The following NAV1 variants were observed in gnomAD, a reference collection of about 807,000 sequenced individuals.
The protein encoded by NAV1 is neuron navigator 1.
A neutral mutation model predicts 175.2 loss-of-function variants in NAV1; 18 were observed. That is an observed-to-expected ratio of 0.10 (90% CI 0.07 to 0.15). The LOEUF is 0.15. NAV1 is among the 10% of genes least tolerant of loss of function. The pLI is 1.00. For missense variants in NAV1, 1,731 were observed against 2,436.6 expected, an observed-to-expected ratio of 0.71 and a Z score of 6.10; for synonymous variants, 897 against 978.7, an observed-to-expected ratio of 0.92 and a Z score of 1.56.
intron 3 of NAV1, 106 bp from the exon 8 acceptor site, chr1:201,780,315 C>A: frequency 7.5e-7 from 1 of 1,341,654 alleles, no homozygotes; most frequent in Non-Finnish European, 1.0e-6. Flanking sequence ...CTCCTTTTGG[C>A]TAGCCTATAT....
intron 4 of NAV1, 100 bp from the exon 9 acceptor site, chr1:201,780,912 G>A (rs1283226326): frequency 2.2e-6 from 3 of 1,334,294 alleles, no homozygotes; most frequent in Non-Finnish European, 3.0e-6. Flanking sequence ...AATACTCTGA[G>A]ATGAGCAGCG....
chr1:201,617,141 A>T (rs1668024332), intron 2 of NAV1, among the ~76,000 whole-genome samples: 1 of 152,136 alleles, frequency 6.6e-6, no homozygotes, highest in Non-Finnish European at 1.5e-5. Context: ...GGGTACTTAG[A>T]AGGAGAAAGA....
At chr1:201,709,527 T>C (rs1671807878) in intron 1 of NAV1, among the ~76,000 whole-genome samples, 1 of 152,198 alleles carries the variant, frequency 6.6e-6, no homozygotes, top group Admixed American at 6.5e-5. Flanking sequence ...AAGCTGTGGC[T>C]GTACCACCCC....
intron 1 of NAV1, among the ~76,000 whole-genome samples, chr1:201,625,247 T>C (rs1668296579): frequency 6.6e-6 from 1 of 152,180 alleles, no homozygotes; most frequent in Admixed American, 6.5e-5. Context: ...CTGAGCACTG[T>C]TTTCAAATAT....
intron 3 of NAV1, among the ~76,000 whole-genome samples, chr1:201,767,647 C>T (rs1018291673): frequency 1.3e-5 from 2 of 152,138 alleles, no homozygotes; most frequent in African/African-American, 4.8e-5. Flanking sequence ...AGCCACATTT[C>T]GAGTACTCAT....
chr1:201,792,058 G>A (rs1677155942), intron 13 of NAV1: 1 of 152,160 alleles, frequency 6.6e-6, no homozygotes, highest in South Asian at 2.1e-4. Flanking sequence ...ATGCTGTCAA[G>A]GCTGGGCTGA....
Position 201,807,308 on chromosome 1 carries a change from A to G in NAV1, c.3649-645A>G, listed in dbSNP as rs189968534. On this transcript the variant is annotated intron_variant, in intron 17 of 29. Coordinates refer to ENST00000367296, the Ensembl canonical transcript of NAV1. The surrounding 1 kb of genome is among the most constrained non-coding windows in gnomAD (Gnocchi z 5.4). ...AACCATTCTGTGATGTCCTGGGCAC[A>G]AGAAATACTAAAAGAAGCTTGAGCC... 4.6e-5 allele frequency among the ~76,000 whole-genome samples: 7 copies of G among 152,342 alleles called. No individual in the cohort carries two copies. In the East Asian group the frequency reaches 1.3e-3, roughly 29 times the overall value.
intron 1 of NAV1, among the ~76,000 whole-genome samples, chr1:201,576,941 T>C (rs1452279683): frequency 6.6e-6 from 1 of 152,234 alleles, no homozygotes; most frequent in Non-Finnish European, 1.5e-5. Flanking sequence ...GCTATATCTC[T>C]TCATGTCTTT....
chr1:201,645,923 A>C (rs1668964617), upstream of NAV1, among the ~76,000 whole-genome samples: 1 of 152,184 alleles, frequency 6.6e-6, no homozygotes, highest in Admixed American at 6.5e-5. Flanking sequence ...TTAGAGAATG[A>C]CCAATGAGTA....
At chr1:201,774,057 G>A (rs631556) in intron 3 of NAV1, among the ~76,000 whole-genome samples, 49,454 of 152,008 alleles carry the variant, frequency 0.33, 9,044 homozygotes, top group Admixed American at 0.43. Context: ...GATTATACAG[G>A]GTTATTGAGG....
chr1:201,802,161 C>A (rs1220960793), intron 15 of NAV1, among the ~76,000 whole-genome samples: 2 of 142,018 alleles, frequency 1.4e-5, no homozygotes, highest in African/African-American at 5.0e-5. Context: ...AAAAATTAGC[C>A]GGGCGTGGTG....
intron 2 of NAV1, among the ~76,000 whole-genome samples, chr1:201,603,573 A>G (rs927880238): frequency 3.3e-5 from 5 of 152,248 alleles, no homozygotes; most frequent in South Asian, 4.2e-4. Flanking sequence ...TGTCTTCTAC[A>G]TGGTCACGTA....
intron 2 of NAV1, among the ~76,000 whole-genome samples, 171 bp downstream of exon 6, chr1:201,713,090 G>A (rs1414268845): frequency 6.6e-6 from 1 of 152,210 alleles, no homozygotes; most frequent in African/African-American, 2.4e-5. Flanking sequence ...AACAAGAGAA[G>A]CTTGGCTTTG....
At chr1:201,698,660 G>T (rs1310412453) in intron 1 of NAV1, among the ~76,000 whole-genome samples, 1 of 152,218 alleles carries the variant, frequency 6.6e-6, no homozygotes, top group Non-Finnish European at 1.5e-5. Context: ...GCAGGAGTGT[G>T]ATAGGCAGAA....
chr1:201,764,864 G>A (rs1156391741), intron 3 of NAV1, among the ~76,000 whole-genome samples: 1 of 152,154 alleles, frequency 6.6e-6, no homozygotes, highest in Non-Finnish European at 1.5e-5. Context: ...CTTTTCTTTT[G>A]CCACTGGCAA....
intron 1 of NAV1, among the ~76,000 whole-genome samples, chr1:201,651,363 G>C (rs941571290): frequency 3.9e-5 from 6 of 152,158 alleles, no homozygotes; most frequent in African/African-American, 4.8e-5. Flanking sequence ...TCCTCAAGAG[G>C]AGCCAAACAG....
intron 1 of NAV1, among the ~76,000 whole-genome samples, chr1:201,544,002 T>C (rs1367169203): frequency 6.6e-6 from 1 of 152,266 alleles, no homozygotes; most frequent in Non-Finnish European, 1.5e-5. Flanking sequence ...CCACTGGCCC[T>C]GATGCAGAGA....
In NAV1 at chr1:201,788,604, T is replaced by A. The variant is rs756131041; in HGVS notation, c.3132T>A (p.Ile1044=). 7 of 1,613,802 alleles carry A rather than the reference T, an allele frequency of 4.3e-6. No homozygotes were observed. In the South Asian group the frequency reaches 7.7e-5, roughly 18 times the overall value. The change falls in exon 10 of 30, where the codon ATT becomes ATA. Residue 1044 remains isoleucine (I), a synonymous_variant. Transcript: ENST00000367296. The surrounding 1 kb of genome is among the most constrained non-coding windows in gnomAD (Gnocchi z 5.7). The stretch of plus-strand genomic sequence containing the variant: ...TGGCCGAGAGACCCAAGGGAATGAT[T>A]CGGTCAGGATCCTTCCGAGACCCCA...
intron 1 of NAV1, among the ~76,000 whole-genome samples, 133 bp from the exon 2 acceptor site, chr1:201,588,406 G>C (rs1292891613): frequency 6.6e-6 from 1 of 152,182 alleles, no homozygotes; most frequent in Non-Finnish European, 1.5e-5. Flanking sequence ...GGAGTGCAGT[G>C]ACACAATCAT....
Sources: allele counts gnomAD v4.1 joint callset (sites outside exome capture counted in the v4.1 genomes callset), GRCh38; gene constraint gnomAD v4.1.1; non-coding constraint Gnocchi (gnomAD v3.1); transcripts MANE v1.5; gene names NCBI Gene and HGNC (gene_info 2026-07-23, HGNC 2026-07-21).